TTN: variants seen among roughly 807,000 people sequenced by gnomAD.
TTN encodes the protein connectin.
In TTN, 1,525 loss-of-function variants were observed where a neutral mutation model predicts 3,223.0. The ratio of observed to expected loss-of-function variants is 0.47; its 90% confidence interval spans 0.45 to 0.49. The LOEUF is 0.49. TTN is among the 20% of genes least tolerant of loss of function. The probability of loss-of-function intolerance (pLI) is 0.00; values close to 1 mark genes in which losing one functional copy is unlikely to be tolerated. For missense variants in TTN, 40,786 were observed against 43,424.0 expected (o/e 0.94, Z 5.40); for synonymous variants, 14,094 against 15,161.0 (o/e 0.93, Z 5.17).
chr2:178,597,756 A>G lies in TTN; in HGVS notation c.57326T>C (p.Val19109Ala). 1 of 1,613,162 alleles carries G rather than the reference A, an allele frequency of 6.2e-7. No individual in the cohort carries two copies. Among genetic ancestry groups the G allele is most frequent in the Non-Finnish European group, 8.5e-7 (1 of 1,179,546 alleles). The stretch of plus-strand genomic sequence containing the variant: ...AGACACATAGGCAATGATTCGGATC[A>G]CCCCTCCAGCATGGACAACAATTCT... ...RDRIVVHAGG[V>A]IRIIAYVSGK... Residue 19109 changes from valine (V) to alanine (A), a missense_variant, in exon 294 of 363, where the codon GTG (valine) becomes GCG (alanine). By Grantham distance (64) the Val-to-Ala change is moderately conservative (BLOSUM62 0). Transcript: ENST00000589042.
rs771361227 is a variant in TTN, at chr2:178,630,331, G to A, written c.44191C>T (p.Leu14731Phe). 104 of 1,611,826 alleles carry A rather than the reference G, an allele frequency of 6.5e-5. No homozygotes were observed. In the South Asian group the frequency reaches 1.1e-3, roughly 17 times the overall value. Residue 14731 changes from leucine (L) to phenylalanine (F), a missense_variant, in exon 239 of 363, where the codon CTT (leucine) becomes TTT (phenylalanine). Coordinates refer to ENST00000589042, the MANE Select transcript of TTN (RefSeq NM_001267550.2). ...TCCAGGCGACAGTTGTGCAAAACAAGGGAGTGTATTTTGCCTTCTTCCTTA... is the reference window on the plus strand; with the variant it reads ...TCCAGGCGACAGTTGTGCAAAACAAAGGAGTGTATTTTGCCTTCTTCCTTA... The part of the protein sequence containing the change: ...EIKEEGKIHS[L>F]VLHNCRLDQT...
rs772541126 is a variant in TTN, at chr2:178,548,570, G to A, written c.93056C>T (p.Pro31019Leu). The change falls in exon 339 of 363, where the codon CCA becomes CTA. Residue 31019 changes from proline (P) to leucine (L), a missense_variant. Transcript: ENST00000589042. The surrounding 1 kb of genome is among the most constrained non-coding windows in gnomAD (Gnocchi z 4.3). ...FTVKVLDTPG[P>L]PGPITFKDVT... ...ATCTTTGAAGGTAATTGGGCCAGGT[G>A]GGCCTGGAGTGTCTAGCACTTTCAC... 1 of 1,613,860 alleles carries A rather than the reference G, an allele frequency of 6.2e-7. No individual in the cohort carries two copies. The highest frequency in any genetic ancestry group is 8.5e-7 in the Non-Finnish European group (1 of 1,179,796).
Position 178,756,498 on chromosome 2 carries a change from G to C in TTN, c.10978C>G (p.Pro3660Ala). 1 of 1,613,792 alleles carries C rather than the reference G, an allele frequency of 6.2e-7. No homozygotes were observed. Among genetic ancestry groups the C allele is most frequent in the Non-Finnish European group, 8.5e-7 (1 of 1,179,796 alleles). The stretch of plus-strand genomic sequence containing the variant: ...TCCTGAAGATGCAGGAAAATCTTGG[G>C]CGCCTCACCCGTGGACTCTTTAGCA... ...ECAKESTGEA[P>A]KIFLHLQDVT... Residue 3660 changes from proline to alanine, a missense_variant, in exon 46 of 363, where the codon CCC (proline) becomes GCC (alanine). Physicochemically the swap from Pro to Ala is conservative, Grantham distance 27. Transcript: ENST00000589042.
chr2:178,646,703 G>A (rs1260812148), intron 215 of TTN, 144 bp from the exon 216 acceptor site: 19 of 559,468 alleles, frequency 3.4e-5, no homozygotes, highest in South Asian at 8.6e-5. Context: ...AAAAATTCAC[G>A]TATAAGAAAA....
chr2:178,648,230 A>C (rs1313988256), intron 213 of TTN, among the ~76,000 whole-genome samples: 2 of 152,068 alleles, frequency 1.3e-5, no homozygotes, highest in Non-Finnish European at 2.9e-5. Flanking sequence ...AAGTACTCCA[A>C]AATATGACCC....
intron 115 of TTN, 133 bp downstream of exon 115, chr2:178,695,215 A>C: frequency 1.6e-6 from 1 of 633,142 alleles, no homozygotes; most frequent in South Asian, 3.3e-5. Context: ...TAAGAAAAAA[A>C]AATCATTCAC....
At position 178,741,639 on chromosome 2, in the gene TTN, TCAGCAGAAG is replaced by T; in HGVS notation, c.11585_11593del (p.Pro3862_Asp3865delinsHis). Reference sequence around the variant, plus strand: ...ATCACCGTCAAAAACAAATTTGTAGTCAGCAGAAGGGGTTAATAGCACTCCATTAAAGAA... The same window carrying T: ...ATCACCGTCAAAAACAAATTTGTAGTGGGTTAATAGCACTCCATTAAAGAA... On this transcript the variant is annotated inframe_deletion, in exon 48 of 363. Coordinates refer to ENST00000589042, the MANE Select transcript of TTN (RefSeq NM_001267550.2). The T allele has an allele frequency of 6.2e-7, 1 of 1,613,860 alleles. No individual in the cohort carries two copies. Among genetic ancestry groups the T allele is most frequent in the Non-Finnish European group, 8.5e-7 (1 of 1,179,798 alleles).
chr2:178,572,737 G>A lies in TTN; in HGVS notation c.73395C>T (p.Asp24465=). The change falls in exon 326 of 363, where the codon GAC becomes GAT. Residue 24465 remains aspartate, a synonymous_variant. Transcript: ENST00000589042. ...RPAPEVKWAR[D]HGESLDKASI... The stretch of plus-strand genomic sequence containing the variant: ...TAGCTTTATCTAAAGATTCTCCATG[G>A]TCCCGGGCCCACTTCACCTCAGGTG... 1 of 1,613,432 alleles carries A rather than the reference G, an allele frequency of 6.2e-7. No homozygotes were observed. The highest frequency in any genetic ancestry group is 8.5e-7 in the Non-Finnish European group (1 of 1,179,598).
chr2:178,554,916 G>A lies in TTN; in HGVS notation c.88543C>T (p.Leu29515=). The change falls in exon 331 of 363, where the codon CTA becomes TTA. Residue 29515 remains leucine, a synonymous_variant. Transcript: ENST00000589042. ...RLNSGCYELK[L]RNAMGSASAT... ...GAGGCTGAGCCCATGGCATTCCTTA[G>A]TTTTAATTCATAGCATCCACTATTA... 1 of 1,613,812 alleles carries A rather than the reference G, an allele frequency of 6.2e-7. No homozygotes were observed. The highest frequency in any genetic ancestry group is 2.2e-5 in the East Asian group (1 of 44,826).
In TTN at chr2:178,684,085, T is replaced by G. The variant is rs1025636068; in HGVS notation, c.32723-3A>C. 1 of 1,612,506 alleles carries G rather than the reference T, an allele frequency of 6.2e-7. No homozygotes were observed. Among genetic ancestry groups the G allele is most frequent in the East Asian group, 2.2e-5 (1 of 44,854 alleles). On this transcript the variant is annotated splice_polypyrimidine_tract_variant and splice_region_variant and intron_variant, in intron 132 of 362. Coordinates refer to ENST00000589042, the MANE Select transcript of TTN (RefSeq NM_001267550.2). ...AGCTCTCTTCGGTTCCTCTGGCACT[T>G]TAAAGAGAGATTTCACTTTAAAGTA...
chr2:178,649,486 C>A, intron 212 of TTN, 68 bp downstream of exon 212: 2 of 1,484,140 alleles, frequency 1.3e-6, no homozygotes, highest in Non-Finnish European at 1.8e-6. Context: ...ATGAGGACAA[C>A]TTATTGGATT....
chr2:178,593,624 A>T lies in TTN; in HGVS notation c.58676T>A (p.Leu19559Gln), dbSNP rs76604657. 1.8e-4 allele frequency: 284 copies of T among 1,613,016 alleles called. 1 individual carries two copies. The East Asian group carries it at 6.3e-3, about 36-fold the overall frequency. ...DYIFRIHAEN[L>Q]YGISDPLVSD... ...CACCAGAGGATCACTTATTCCATAC[A>T]GATTTTCAGCATGTATCCGGAAAAT... Residue 19559 changes from leucine to glutamine, a missense_variant, in exon 298 of 363, where the codon CTG (leucine) becomes CAG (glutamine). By Grantham distance (113) the Leu-to-Gln change is moderately radical. Transcript: ENST00000589042.
Position 178,635,313 on chromosome 2 carries a change from G to C in TTN, c.41885-9C>G. ...CAGTTCAACTTCACGCTCTGTATTG[G>C]TCAGGGATGAAGTAACATAATGCTT... On this transcript the variant is annotated splice_polypyrimidine_tract_variant and intron_variant, in intron 227 of 362. Transcript: ENST00000589042. 1 of 1,612,498 alleles carries C rather than the reference G, an allele frequency of 6.2e-7. No individual in the cohort carries two copies. Among genetic ancestry groups the C allele is most frequent in the Middle Eastern group, 1.7e-4 (1 of 6,048 alleles).
chr2:178,771,497 G>A (rs1246108640), intron 33 of TTN, 26 bp from the exon 34 acceptor site: 6 of 1,613,618 alleles, frequency 3.7e-6, no homozygotes, highest in South Asian at 3.3e-5. Flanking sequence ...TGTACAGTAT[G>A]AGTCCTTTAA....
Position 178,619,690 on chromosome 2 carries a change from G to T in TTN, c.46627C>A (p.Pro15543Thr). 1 of 1,612,208 alleles carries T rather than the reference G, an allele frequency of 6.2e-7. No individual in the cohort carries two copies. Among genetic ancestry groups the T allele is most frequent in the East Asian group, 2.2e-5 (1 of 44,708 alleles). Residue 15543 changes from proline (P) to threonine (T), a missense_variant, in exon 250 of 363, where the codon CCC becomes ACC. Transcript: ENST00000589042. ...AATCTGTATTCACCCTGGTCACGGG[G>T]CTTAATATCACAAATCTGTAGTCGA... The part of the protein sequence containing the change: ...IHRLQICDIK[P>T]RDQGEYRFIA...
At chr2:178,621,805 C>G (rs2058328638) in intron 244 of TTN, 35 bp downstream of exon 244, 1 of 1,610,504 alleles carries the variant, frequency 6.2e-7, no homozygotes, top group Non-Finnish European at 8.5e-7. Flanking sequence ...TTTTTCCCAA[C>G]ACATATACTT....
Position 178,546,350 on chromosome 2 carries a change from T to C in TTN, c.94981A>G (p.Lys31661Glu), listed in dbSNP as rs1268995899. The change falls in exon 342 of 363, where the codon AAA becomes GAA. Residue 31661 changes from lysine to glutamate, a missense_variant. Lys to Glu is a moderately conservative substitution (Grantham distance 56). Transcript: ENST00000589042. ...TTGCCAGTATACTGCAAAGAGACTTTTTCACAGAGATCTAGCTCCTTGTCT... is the reference window on the plus strand; with the variant it reads ...TTGCCAGTATACTGCAAAGAGACTTCTTCACAGAGATCTAGCTCCTTGTCT... ...KGDKELDLCE[K>E]VSLQYTGKRA... 2 of 1,613,848 alleles carry C rather than the reference T, an allele frequency of 1.2e-6. No individual in the cohort carries two copies. The highest frequency in any genetic ancestry group is 1.1e-5 in the South Asian group (1 of 91,084).
rs768249663 is a variant in TTN, at chr2:178,778,995, T to C, written c.4087A>G (p.Thr1363Ala). 7.2e-5 allele frequency: 117 copies of C among 1,613,926 alleles called. No individual in the cohort carries two copies. Among genetic ancestry groups the C allele is most frequent in the Non-Finnish European group, 9.4e-5 (111 of 1,179,954 alleles). ...VVLPEDEGIYTAFASNIKGNA... is the reference protein window; with the variant it reads ...VVLPEDEGIYAAFASNIKGNA... Reference sequence around the variant, plus strand: ...CCTTTAATATTGCTGGCAAATGCAGTGTAGATTCCTTCATCTTCTGGAAGA... The same window carrying C: ...CCTTTAATATTGCTGGCAAATGCAGCGTAGATTCCTTCATCTTCTGGAAGA... Residue 1363 changes from threonine (T) to alanine (A), a missense_variant, in exon 24 of 363, where the codon ACT becomes GCT. Thr to Ala is a moderately conservative substitution (Grantham distance 58). Transcript: ENST00000589042.
In TTN at chr2:178,549,037, G is replaced by A. The variant is rs201529901; in HGVS notation, c.92589C>T (p.Ala30863=). The A allele has an allele frequency of 2.5e-6, 4 of 1,613,744 alleles. No homozygotes were observed. The highest frequency in any genetic ancestry group is 1.1e-5 in the South Asian group (1 of 91,076). Residue 30863 remains alanine (A), a synonymous_variant, in exon 339 of 363, where the codon GCC becomes GCT. Coordinates refer to ENST00000589042, the MANE Select transcript of TTN (RefSeq NM_001267550.2). ...IIGYIIEMCK[A]DLGDWHKVNA... ...TCACCTTGTGCCAGTCTCCTAAGTC[G>A]GCCTTACACATTTCAATAATATACC...
Sources: gnomAD v4.1 joint callset for allele counts (sites outside exome capture counted in the v4.1 genomes callset) on GRCh38, gnomAD v4.1.1 for gene constraint, Gnocchi (gnomAD v3.1) non-coding constraint, MANE v1.5 for transcripts, NCBI Gene and HGNC (gene_info 2026-07-23, HGNC 2026-07-21) for gene names.